The following KPNA6 variants were observed in gnomAD, a reference collection of about 807,000 sequenced individuals.
The protein encoded by KPNA6 is importin subunit alpha-7.
A neutral mutation model predicts 72.0 loss-of-function variants in KPNA6; 9 were observed. That is an observed-to-expected ratio of 0.13 (90% CI 0.08 to 0.22). KPNA6 has a LOEUF of 0.22. Among genes scored for constraint, KPNA6 ranks in the 10% least tolerant of loss-of-function variants. The pLI is 1.00. For missense variants in KPNA6, 374 were observed against 655.7 expected (o/e 0.57, Z 4.69); for synonymous variants, 219 against 242.1 (o/e 0.90, Z 0.89).
intron 1 of KPNA6, among the ~76,000 whole-genome samples, chr1:32,140,502 A>T (rs1356244373): frequency 6.6e-6 from 1 of 152,236 alleles, no homozygotes; most frequent in Non-Finnish European, 1.5e-5. Context: ...TAGCTATATT[A>T]TATATACATC....
intron 1 of KPNA6, among the ~76,000 whole-genome samples, chr1:32,113,927 C>T (rs1254376807): frequency 6.6e-6 from 1 of 152,140 alleles, no homozygotes; most frequent in Non-Finnish European, 1.5e-5. Flanking sequence ...TTGCTGTTTC[C>T]ACCCCATCTG....
chr1:32,120,547 CAATT>C (rs1041387357), intron 1 of KPNA6, among the ~76,000 whole-genome samples: 1 of 150,776 alleles, frequency 6.6e-6, no homozygotes, highest in African/African-American at 2.4e-5. Context: ...TGCACCCAGC[CAATT>C]AATTTTTTTA....
intron 1 of KPNA6, among the ~76,000 whole-genome samples, chr1:32,117,901 A>G (rs1056071042): frequency 1.3e-5 from 2 of 152,044 alleles, no homozygotes; most frequent in Admixed American, 6.6e-5. Context: ...ATCTTTTCCT[A>G]TAGAAATCTC....
chr1:32,131,979 T>A (rs1392239573), intron 1 of KPNA6, among the ~76,000 whole-genome samples: 1 of 151,794 alleles, frequency 6.6e-6, no homozygotes, highest in Non-Finnish European at 1.5e-5. Flanking sequence ...ATTTATTTTT[T>A]ATTTTTTTTG....
chr1:32,110,149 C>T (rs1205237540), intron 1 of KPNA6, among the ~76,000 whole-genome samples: 2 of 149,026 alleles, frequency 1.3e-5, no homozygotes, highest in Admixed American at 6.8e-5. Context: ...ACTGCAACCT[C>T]TGCCTCCCGG....
intron 12 of KPNA6, among the ~76,000 whole-genome samples, chr1:32,169,514 T>G (rs1177928055): frequency 6.6e-6 from 1 of 150,392 alleles, no homozygotes; most frequent in Non-Finnish European, 1.5e-5. Context: ...TGGCGTAATC[T>G]CGGCTCACTG....
intron 1 of KPNA6, among the ~76,000 whole-genome samples, chr1:32,134,422 C>T (rs140588899): frequency 0.018 from 2,711 of 152,062 alleles, 74 homozygotes; most frequent in African/African-American, 0.061. Context: ...AGGAAGATCA[C>T]TTGAGCCCAG....
intron 1 of KPNA6, among the ~76,000 whole-genome samples, chr1:32,121,722 C>T (rs928993742): frequency 1.3e-4 from 20 of 152,154 alleles, no homozygotes; most frequent in Non-Finnish European, 2.6e-4. Context: ...CCTGTAATCC[C>T]AGCACTTAGG....
At chr1:32,158,488 G>T (rs1159564419) in intron 5 of KPNA6, 127 bp downstream of exon 5, 1 of 581,310 alleles carries the variant, frequency 1.7e-6, no homozygotes, top group African/African-American at 1.9e-5. Flanking sequence ...AGCAAATCAT[G>T]GAGAATGGGG....
At chr1:32,136,420 C>T (rs569130368) in intron 1 of KPNA6, among the ~76,000 whole-genome samples, 3 of 152,118 alleles carry the variant, frequency 2.0e-5, no homozygotes, top group East Asian at 3.9e-4. Flanking sequence ...GTGATCTGTC[C>T]GCCTTGGACT....
Position 32,171,090 on chromosome 1 carries a change from C to A in KPNA6, c.*196C>A. The A allele has an allele frequency of 1.7e-6, 1 of 583,472 alleles. No homozygotes were observed. The highest frequency in any genetic ancestry group is 3.0e-5 in the Admixed American group (1 of 33,612). 36.1% of individuals were successfully genotyped at this position (583,472 alleles called of 1,614,324 possible). ...TGGACAGACAGAACCATCTGAGGCT[C>A]ACCTTTGGGTTTTGTGACAAGAAGG... On this transcript the variant is annotated 3_prime_UTR_variant, in exon 14 of 14. Transcript: ENST00000373625.
In KPNA6 at chr1:32,119,032, ATT is replaced by A. The variant is rs71006332; in HGVS notation, c.4+10914_4+10915del. 2.4e-3 allele frequency among the ~76,000 whole-genome samples: 96 copies of A among 40,256 alleles called. 2 individuals are homozygous for A. Among genetic ancestry groups the A allele is most frequent in the Admixed American group, 3.2e-3 (6 of 1,862 alleles). 26.4% of individuals were successfully genotyped at this position (40,256 alleles called of 152,430 possible). On this transcript the variant is annotated intron_variant, in intron 1 of 13. Coordinates refer to ENST00000373625, the MANE Select transcript of KPNA6 (RefSeq NM_012316.5). ...TATATATATATATATATATATATAT[ATT>A]TTTTTTTTTTTTTTTGAGAGAGAGT...
intron 5 of KPNA6, among the ~76,000 whole-genome samples, chr1:32,158,785 A>G (rs1402525440): frequency 6.6e-6 from 1 of 152,240 alleles, no homozygotes; most frequent in African/African-American, 2.4e-5. Context: ...AAGTAATGTT[A>G]GGAAACATTC....
Position 32,174,455 on chromosome 1 carries a change from C to G in KPNA6, c.*3561C>G, listed in dbSNP as rs1403782036. On this transcript the variant is annotated 3_prime_UTR_variant, in exon 14 of 14. Coordinates refer to ENST00000373625, the MANE Select transcript of KPNA6 (RefSeq NM_012316.5). ...TCTTCATGTCTACCTGCCTTCCCCC[C>G]ACACCCTAAAGTTGTACTTGTTTCT... 3 of 152,194 alleles carry G rather than the reference C, an allele frequency of 2.0e-5. No homozygotes were observed. Among genetic ancestry groups the G allele is most frequent in the Non-Finnish European group, 4.4e-5 (3 of 68,060 alleles). 9.4% of individuals were successfully genotyped at this position (152,194 alleles called of 1,614,324 possible).
rs1642472670 is a variant in KPNA6, at chr1:32,173,385, A to C, written c.*2491A>C. The C allele has an allele frequency of 3.0e-6, 1 of 329,098 alleles. No individual in the cohort carries two copies. Among genetic ancestry groups the C allele is most frequent in the Non-Finnish European group, 5.5e-6 (1 of 183,150 alleles). The allele number at this position is 329,098 out of a possible 1,614,324, so 20.4% of individuals were successfully genotyped here. On this transcript the variant is annotated 3_prime_UTR_variant, in exon 14 of 14. Transcript: ENST00000373625. ...TGGCTTCAGCTCCGGGTCCTGTACCAGATGGAAAATGTTTTTGGTGATCTG... is the reference window on the plus strand; with the variant it reads ...TGGCTTCAGCTCCGGGTCCTGTACCCGATGGAAAATGTTTTTGGTGATCTG...
intron 1 of KPNA6, among the ~76,000 whole-genome samples, chr1:32,137,040 T>G (rs1239497698): frequency 6.6e-6 from 1 of 152,232 alleles, no homozygotes; most frequent in Non-Finnish European, 1.5e-5. Context: ...GAGTGTTCTC[T>G]TCAAGGACAA....
Position 32,160,607 on chromosome 1 carries a change from C to T in KPNA6, c.559-8C>T, listed in dbSNP as rs561469397. 3.1e-6 allele frequency: 5 copies of T among 1,612,696 alleles called. No individual in the cohort carries two copies. Among genetic ancestry groups the T allele is most frequent in the African/African-American group, 1.3e-5 (1 of 74,982 alleles). On this transcript the variant is annotated splice_polypyrimidine_tract_variant and splice_region_variant and intron_variant, in intron 6 of 13. Transcript: ENST00000373625. ...TTGTGGGTGACAGTTTCATTATCCC[C>T]TTTTCAGGCAGTCTGGGCACTGGGA...
At chr1:32,145,719 A>G (rs951434081) in intron 1 of KPNA6, among the ~76,000 whole-genome samples, 1 of 151,880 alleles carries the variant, frequency 6.6e-6, no homozygotes, top group African/African-American at 2.4e-5. Context: ...CTTCTTCAAA[A>G]TCAGTTGGCT....
chr1:32,111,104 A>G (rs967375787), intron 1 of KPNA6, among the ~76,000 whole-genome samples: 6 of 152,178 alleles, frequency 3.9e-5, no homozygotes, highest in African/African-American at 1.4e-4. Flanking sequence ...GTTTTATGTT[A>G]TAAACTTTGT....
Sources: allele counts gnomAD v4.1 joint callset (sites outside exome capture counted in the v4.1 genomes callset), GRCh38; gene constraint gnomAD v4.1.1; transcripts MANE v1.5; gene names NCBI Gene and HGNC (gene_info 2026-07-23, HGNC 2026-07-21).